Variants in DDX1 observed in about 807,000 individuals in gnomAD.
DDX1 encodes ATP-dependent RNA helicase DDX1.
In DDX1, 28 loss-of-function variants were observed where a neutral mutation model predicts 108.7. That is an observed-to-expected ratio of 0.26 (90% CI 0.19 to 0.35). The LOEUF (loss-of-function observed/expected upper bound fraction) is 0.35. Ranked by LOEUF, DDX1 falls within the 10% of genes least tolerant of loss-of-function variation. The probability of loss-of-function intolerance (pLI) is 1.00; values close to 1 mark genes in which losing one functional copy is unlikely to be tolerated. For synonymous variants in DDX1, 295 were observed against 288.9 expected (o/e 1.02, Z -0.21); for missense variants, 710 against 884.5 (o/e 0.80, Z 2.50).
At chr2:15,611,300 G>A (rs62120732) in intron 13 of DDX1, among the ~76,000 whole-genome samples, 8 of 146,702 alleles carry the variant, frequency 5.5e-5, no homozygotes, top group Admixed American at 5.4e-4. Flanking sequence ...ACACAAACAC[G>A]GCAACCATCC....
At chr2:15,609,501 A>G (rs945482011) in intron 13 of DDX1, among the ~76,000 whole-genome samples, 1 of 151,976 alleles carries the variant, frequency 6.6e-6, no homozygotes, top group African/African-American at 2.4e-5. Context: ...TTACTTTTTA[A>G]TTTTCTTAAT....
intron 6 of DDX1, 143 bp downstream of exon 6, chr2:15,599,859 A>T: frequency 5.4e-6 from 3 of 558,376 alleles, no homozygotes; most frequent in East Asian, 3.1e-5. Context: ...TATAGAACTG[A>T]CATAGGAATA....
rs1019650208 is a variant in DDX1, at chr2:15,629,942, T to A, written c.1972-48T>A. ...TTATTTAATGATGATAAAATGCAAC[T>A]CTTTCTAAATGAAATTTTTATTTGG... On this transcript the variant is annotated intron_variant, in intron 24 of 25. Coordinates refer to ENST00000233084, the MANE Select transcript of DDX1 (RefSeq NM_004939.3). 8 of 1,523,708 alleles carry A rather than the reference T, an allele frequency of 5.3e-6. No homozygotes were observed. In the African/African-American group the frequency reaches 9.8e-5, roughly 19 times the overall value. The allele number at this position is 1,523,708 out of a possible 1,614,324, so 94.4% of individuals were successfully genotyped here.
intron 13 of DDX1, among the ~76,000 whole-genome samples, chr2:15,611,722 A>G (rs868360385): frequency 0.18 from 3,273 of 17,822 alleles, 207 homozygotes; most frequent in Middle Eastern, 0.35. Flanking sequence ...GGACGGGGCG[A>G]CTGGCCGGGC....
intron 6 of DDX1, among the ~76,000 whole-genome samples, chr2:15,602,176 C>A (rs1246528641): frequency 6.6e-6 from 1 of 152,142 alleles, no homozygotes; most frequent in African/African-American, 2.4e-5. Flanking sequence ...CTTTAAAGGG[C>A]TCCAGAGAAT....
intron 16 of DDX1, among the ~76,000 whole-genome samples, chr2:15,619,069 G>A (rs1266959629): frequency 1.3e-5 from 2 of 152,194 alleles, no homozygotes; most frequent in Non-Finnish European, 2.9e-5. Context: ...GGCAGCTGCA[G>A]CCATGCCTGG....
rs1553341677 is a variant in DDX1, at chr2:15,608,667, T to TG, written c.956+1354_956+1355insG. 4.4e-3 allele frequency among the ~76,000 whole-genome samples: 430 copies of TG among 96,902 alleles called. 6 individuals carry two copies. The highest frequency in any genetic ancestry group is 0.019 in the African/African-American group (349 of 18,648). The allele number at this position is 96,902 out of a possible 152,430, so 63.6% of individuals were successfully genotyped here. On this transcript the variant is annotated intron_variant, in intron 13 of 25. Coordinates refer to ENST00000233084, the MANE Select transcript of DDX1 (RefSeq NM_004939.3). ...AAAGCCTGTGTTTTTTTTTAGGTTT[T>TG]TTTTTTTTTTTTTTTTTTATGAAGT... is the stretch of plus-strand genomic sequence containing the variant.
At chr2:15,597,564 A>G (rs997570975) in intron 5 of DDX1, 93 bp downstream of exon 5, 9 of 834,678 alleles carry the variant, frequency 1.1e-5, no homozygotes, top group Non-Finnish European at 1.5e-5. Flanking sequence ...GCATTTTTAA[A>G]ATCTTGTCAG....
At chr2:15,612,443 T>C (rs1665790210) in intron 13 of DDX1, among the ~76,000 whole-genome samples, 2 of 140,064 alleles carry the variant, frequency 1.4e-5, no homozygotes, top group Admixed American at 1.4e-4. Context: ...ACTTCCTAGA[T>C]GGGATGGTGG....
chr2:15,623,901 T>C (rs1177941929), intron 19 of DDX1, among the ~76,000 whole-genome samples: 1 of 151,934 alleles, frequency 6.6e-6, no homozygotes, highest in African/African-American at 2.4e-5. Flanking sequence ...AGAATGTATG[T>C]CTTTTAAACC....
At chr2:15,621,177 T>C (rs1008975489) in intron 18 of DDX1, 61 bp downstream of exon 18, 1 of 1,189,736 alleles carries the variant, frequency 8.4e-7, no homozygotes, top group Admixed American at 1.8e-5. Flanking sequence ...ACCTTACCTA[T>C]TCTCATGAAG....
intron 5 of DDX1, among the ~76,000 whole-genome samples, chr2:15,598,882 GA>G (rs35344372): frequency 4.6e-5 from 7 of 151,584 alleles, no homozygotes; most frequent in South Asian, 2.1e-4. Context: ...AAAGGCGGAT[GA>G]AAAAAATGTG....
chr2:15,617,196 A>G (rs1026533805), intron 14 of DDX1, 48 bp from the exon 15 acceptor site: 3 of 972,694 alleles, frequency 3.1e-6, no homozygotes, highest in Admixed American at 2.0e-5. Context: ...TAACGTAATT[A>G]TACTGTTTCT....
At chr2:15,608,450 C>G (rs1665701129) in intron 13 of DDX1, among the ~76,000 whole-genome samples, 1 of 151,718 alleles carries the variant, frequency 6.6e-6, no homozygotes, top group East Asian at 1.9e-4. Flanking sequence ...TTGCTTGAAC[C>G]CAGGAGGTGG....
chr2:15,616,607 G>A (rs937795166), intron 14 of DDX1, among the ~76,000 whole-genome samples: 2 of 152,136 alleles, frequency 1.3e-5, no homozygotes, highest in African/African-American at 2.4e-5. Context: ...GATTATAGTA[G>A]TATTTACCTT....
intron 7 of DDX1, 52 bp from the exon 8 acceptor site, chr2:15,603,140 A>G: frequency 8.0e-7 from 1 of 1,243,846 alleles, no homozygotes; most frequent in South Asian, 1.3e-5. Flanking sequence ...CTTCATGGTA[A>G]ATGAATCGTG....
chr2:15,597,475 A>C lies in DDX1; in HGVS notation c.259+4A>C, dbSNP rs1665521180. The C allele has an allele frequency of 7.7e-6, 12 of 1,558,476 alleles. No individual in the cohort carries two copies. Among genetic ancestry groups the C allele is most frequent in the African/African-American group, 1.4e-5 (1 of 72,906 alleles). On this transcript the variant is annotated splice_donor_region_variant and intron_variant, in intron 5 of 25. Coordinates refer to ENST00000233084, the MANE Select transcript of DDX1 (RefSeq NM_004939.3). The stretch of plus-strand genomic sequence containing the variant: ...ACAATTAAAACTGGTGCTTCAGGTA[A>C]TTTTTGTAAATTGATATTTCCTTTT...
At chr2:15,597,528 CAGTT>C (rs1403290716) in intron 5 of DDX1, 57 bp downstream of exon 5, 13 of 1,158,228 alleles carry the variant, frequency 1.1e-5, no homozygotes, top group East Asian at 7.2e-5. Flanking sequence ...TCATCACTGA[CAGTT>C]AGGAAAGTGA....
chr2:15,613,019 G>A (rs1469799305), intron 13 of DDX1, among the ~76,000 whole-genome samples: 2 of 151,700 alleles, frequency 1.3e-5, no homozygotes, highest in Non-Finnish European at 2.9e-5. Context: ...GAGGGAGACC[G>A]TGGGGAGAGG....
Sources: gnomAD v4.1 joint callset for allele counts (sites outside exome capture counted in the v4.1 genomes callset) on GRCh38, gnomAD v4.1.1 for gene constraint, MANE v1.5 for transcripts, NCBI Gene and HGNC (gene_info 2026-07-23, HGNC 2026-07-21) for gene names.